Variants in RELCH observed in about 807,000 individuals in gnomAD.
RELCH encodes RAB11 binding and LisH domain, coiled-coil and HEAT repeat containing.
A neutral mutation model predicts 150.3 loss-of-function variants in RELCH; 41 were observed. The ratio of observed to expected loss-of-function variants is 0.27; its 90% CI spans 0.21 to 0.35. The LOEUF is 0.35. RELCH is among the 10% of genes least tolerant of loss of function. RELCH has a pLI of 1.00. For missense variants in RELCH, 1,092 were observed against 1,467.8 expected (o/e 0.74, Z 4.18); for synonymous variants, 478 against 531.8 (o/e 0.90, Z 1.39).
intron 26 of RELCH, among the ~76,000 whole-genome samples, chr18:62,288,526 G>T (rs1016833330): frequency 6.6e-6 from 1 of 152,094 alleles, no homozygotes; most frequent in South Asian, 2.1e-4. Context: ...CTGTGAAGTA[G>T]CTATGTGTCT....
intron 10 of RELCH, among the ~76,000 whole-genome samples, chr18:62,236,177 G>A (rs1476668755): frequency 6.6e-6 from 1 of 151,888 alleles, no homozygotes; most frequent in Non-Finnish European, 1.5e-5. Context: ...CATTGAATTT[G>A]CCACATGCTT....
At chr18:62,224,098 C>T (rs1451650541) in intron 5 of RELCH, among the ~76,000 whole-genome samples, 2 of 152,118 alleles carry the variant, frequency 1.3e-5, no homozygotes, top group Non-Finnish European at 2.9e-5. Context: ...AGGCATTTCT[C>T]CTAACGCTAT....
intron 27 of RELCH, among the ~76,000 whole-genome samples, chr18:62,298,517 G>T (rs1384225036): frequency 6.6e-6 from 1 of 152,138 alleles, no homozygotes; most frequent in Non-Finnish European, 1.5e-5. Flanking sequence ...AACATTAGAA[G>T]ATGGTGAGTA....
At chr18:62,241,652 A>G (rs2042153320) in intron 10 of RELCH, among the ~76,000 whole-genome samples, 1 of 152,162 alleles carries the variant, frequency 6.6e-6, no homozygotes, top group South Asian at 2.1e-4. Context: ...TGGAAATTTA[A>G]TCACCATTTT....
intron 11 of RELCH, among the ~76,000 whole-genome samples, chr18:62,250,872 T>C (rs2042668209): frequency 6.6e-6 from 1 of 152,242 alleles, no homozygotes; most frequent in African/African-American, 2.4e-5. Context: ...TTAATGTGAA[T>C]TACATAAGCA....
At chr18:62,266,468 G>C (rs2043568017) in intron 18 of RELCH, among the ~76,000 whole-genome samples, 2 of 151,788 alleles carry the variant, frequency 1.3e-5, no homozygotes, top group Non-Finnish European at 2.9e-5. Flanking sequence ...TTCACTTGTT[G>C]ACTTGAGTTG....
intron 20 of RELCH, among the ~76,000 whole-genome samples, chr18:62,270,894 G>GT (rs2144807229): frequency 6.6e-6 from 1 of 152,126 alleles, no homozygotes; most frequent in East Asian, 1.9e-4. Flanking sequence ...AACATGTGGT[G>GT]TTTGGTTTTC....
At chr18:62,226,090 T>G (rs1000332615) in intron 5 of RELCH, among the ~76,000 whole-genome samples, 1 of 151,992 alleles carries the variant, frequency 6.6e-6, no homozygotes. Context: ...AAATAAACCG[T>G]CAAAGGATTA....
Position 62,187,420 on chromosome 18 carries a change from G to T in RELCH, c.-86G>T. The T allele has an allele frequency of 2.3e-6, 3 of 1,297,326 alleles. No individual in the cohort carries two copies. The highest frequency in any genetic ancestry group is 3.0e-6 in the Non-Finnish European group (3 of 998,636). The allele number at this position is 1,297,326 out of a possible 1,614,324, so 80.4% of individuals were successfully genotyped here. On this transcript the variant is annotated 5_prime_UTR_variant, in exon 1 of 29. Coordinates refer to ENST00000644646, the MANE Select transcript of RELCH (RefSeq NM_001346231.2). ...GTGGTCAGGCCGGGGCTGTGGAGGT[G>T]CGCTGTGTCCCCTGAGGCCTAGAGG... is the stretch of plus-strand genomic sequence containing the variant.
At chr18:62,282,203 T>G (rs569051426) in intron 24 of RELCH, 103 bp from the exon 25 acceptor site, 6 of 934,306 alleles carry the variant, frequency 6.4e-6, no homozygotes, top group African/African-American at 3.4e-5. Context: ...TAGGTTGCTT[T>G]AATCCACTGC....
chr18:62,258,443 T>A, intron 14 of RELCH, 69 bp from the exon 15 acceptor site: 1 of 1,317,564 alleles, frequency 7.6e-7, no homozygotes. Context: ...TTTTTATTAC[T>A]TTTTATTAAG....
chr18:62,225,227 A>G (rs960213350), intron 5 of RELCH, among the ~76,000 whole-genome samples: 1 of 152,012 alleles, frequency 6.6e-6, no homozygotes, highest in Non-Finnish European at 1.5e-5. Flanking sequence ...TATAGATCCT[A>G]AAAAGCTGTA....
At chr18:62,258,826 CA>C (rs2043114700) in intron 15 of RELCH, 150 bp downstream of exon 15, 1 of 526,482 alleles carries the variant, frequency 1.9e-6, no homozygotes, top group African/African-American at 2.0e-5. Context: ...GGACTGGAGC[CA>C]AGAAAGAGAT....
chr18:62,244,866 G>A lies in RELCH; in HGVS notation c.1723G>A (p.Asp575Asn). 8.7e-6 allele frequency: 14 copies of A among 1,604,702 alleles called. No individual in the cohort carries two copies. Among genetic ancestry groups the A allele is most frequent in the Non-Finnish European group, 1.2e-5 (14 of 1,171,614 alleles). The change falls in exon 11 of 29, where the codon GAT becomes AAT. Residue 575 changes from aspartate (D) to asparagine (N), a missense_variant. Asp to Asn is a conservative substitution (Grantham distance 23, BLOSUM62 1). Transcript: ENST00000644646. Reference protein sequence around the residue: ...ILFNLIKRPDDEQRQMILTGC... With the variant: ...ILFNLIKRPDNEQRQMILTGC... ...TTTCAATTTGATCAAGAGGCCAGAT[G>A]ATGAGCAAAGGTGGGTATGATTACA...
intron 10 of RELCH, among the ~76,000 whole-genome samples, chr18:62,243,491 G>A (rs2042250910): frequency 6.6e-6 from 1 of 152,038 alleles, no homozygotes; most frequent in Admixed American, 6.6e-5. Flanking sequence ...ACTGAAAATG[G>A]CAGAATAAAT....
rs376700692 is a variant in RELCH, at chr18:62,221,022, C to T, written c.617-15C>T. On this transcript the variant is annotated splice_polypyrimidine_tract_variant and intron_variant, in intron 2 of 28. Coordinates refer to ENST00000644646, the MANE Select transcript of RELCH (RefSeq NM_001346231.2). ...GTTGGATGCCTGTGTGTGTTTATTCCAAATCCCTGTCCAGTCCTGGAGTTT... is the reference window on the plus strand; with the variant it reads ...GTTGGATGCCTGTGTGTGTTTATTCTAAATCCCTGTCCAGTCCTGGAGTTT... 1.2e-5 allele frequency: 20 copies of T among 1,606,692 alleles called. No individual in the cohort carries two copies. Among genetic ancestry groups the T allele is most frequent in the Non-Finnish European group, 1.6e-5 (19 of 1,176,712 alleles).
chr18:62,257,263 GA>G (rs2043036297), intron 13 of RELCH, among the ~76,000 whole-genome samples: 1 of 151,976 alleles, frequency 6.6e-6, no homozygotes. Flanking sequence ...ATCATAACTG[GA>G]AAATATTCTG....
intron 27 of RELCH, among the ~76,000 whole-genome samples, chr18:62,297,030 G>C (rs1293812575): frequency 6.6e-6 from 1 of 152,234 alleles, no homozygotes; most frequent in African/African-American, 2.4e-5. Context: ...ACCTCCATTA[G>C]GGTATGGTGG....
intron 12 of RELCH, among the ~76,000 whole-genome samples, chr18:62,253,082 T>C (rs1196615082): frequency 6.6e-6 from 1 of 152,122 alleles, no homozygotes; most frequent in Non-Finnish European, 1.5e-5. Context: ...TAGTAATTTA[T>C]ATTATGAAGA....
Sources: allele counts gnomAD v4.1 joint callset (sites outside exome capture counted in the v4.1 genomes callset), GRCh38; gene constraint gnomAD v4.1.1; transcripts MANE v1.5; gene names NCBI Gene and HGNC (gene_info 2026-07-23, HGNC 2026-07-21).